The following DENND4C variants were observed in gnomAD, a reference collection of about 807,000 sequenced individuals.
DENND4C encodes DENN domain containing 4C.
DENND4C carries 108 observed loss-of-function variants against 203.0 expected under a neutral mutation model. The ratio of observed to expected loss-of-function variants is 0.53; its 90% CI spans 0.46 to 0.62. The LOEUF is 0.62. Among genes scored for constraint, DENND4C ranks in the 20% least tolerant of loss-of-function variants. The pLI, the probability that DENND4C is intolerant of heterozygous loss-of-function variation, is 0.00. For missense variants in DENND4C, 2,481 were observed against 2,301.2 expected, an observed-to-expected ratio of 1.08 and a Z score of -1.60; for synonymous variants, 871 against 792.4, an observed-to-expected ratio of 1.10 and a Z score of -1.67.
chr9:19,300,306 C>T lies in DENND4C; in HGVS notation c.1286C>T (p.Thr429Ile). The change falls in exon 9 of 33, where the codon ACT becomes ATT. Residue 429 changes from threonine (T) to isoleucine (I), a missense_variant. Thr to Ile is a moderately conservative substitution (Grantham distance 89). Coordinates refer to ENST00000434457, the MANE Select transcript of DENND4C (RefSeq NM_001330640.2). Reference sequence around the variant, plus strand: ...CATTCTCTTAGGCCAGCTGTCTTGACTGGGGTAGCTGAAGCTGTTGTAGCT... The same window carrying T: ...CATTCTCTTAGGCCAGCTGTCTTGATTGGGGTAGCTGAAGCTGTTGTAGCT... Reference protein sequence around the residue: ...LLHSLRPAVLTGVAEAVVAMI... With the variant: ...LLHSLRPAVLIGVAEAVVAMI... 2 of 1,594,982 alleles carry T rather than the reference C, an allele frequency of 1.3e-6. No homozygotes were observed. Among genetic ancestry groups the T allele is most frequent in the Non-Finnish European group, 1.7e-6 (2 of 1,167,018 alleles).
intron 10 of DENND4C, among the ~76,000 whole-genome samples, chr9:19,308,192 C>T (rs932972504): frequency 3.3e-5 from 5 of 152,082 alleles, no homozygotes; most frequent in African/African-American, 1.2e-4. Context: ...CTCAGGAATT[C>T]CTCTGAAGCA....
intron 1 of DENND4C, among the ~76,000 whole-genome samples, chr9:19,244,838 C>A (rs935925424): frequency 1.3e-5 from 2 of 152,070 alleles, no homozygotes; most frequent in African/African-American, 4.8e-5. Flanking sequence ...TTCGTTCTCC[C>A]CATCTGTGTC....
intron 10 of DENND4C, among the ~76,000 whole-genome samples, chr9:19,313,619 C>G (rs941978596): frequency 2.6e-5 from 4 of 152,168 alleles, no homozygotes; most frequent in African/African-American, 4.8e-5. Flanking sequence ...GACACAGTTT[C>G]AAGAGACGTT....
rs185294173 is a variant in DENND4C, at chr9:19,294,609, C to T, written c.802-1399C>T. Among the ~76,000 whole-genome samples the T allele has an allele frequency of 7.8e-3, 1,185 of 152,116 alleles. 12 individuals carry two copies. Among genetic ancestry groups the T allele is most frequent in the Non-Finnish European group, 0.013 (861 of 68,004 alleles). ...CCAATGTTTGTAGCAGGGTTATTCA[C>T]GATAGGCGGAAGGTGGAAACAACCC... On this transcript the variant is annotated intron_variant, in intron 5 of 32. Transcript: ENST00000434457.
Position 19,325,959 on chromosome 9 carries a change from A to C in DENND4C, c.1974A>C (p.Thr658=), listed in dbSNP as rs755105228. The change falls in exon 14 of 33, where the codon ACA becomes ACC. Residue 658 remains threonine, a synonymous_variant. Coordinates refer to ENST00000434457, the MANE Select transcript of DENND4C (RefSeq NM_001330640.2). ...TCTAGTTGTTTCCTGATAAAGGCAC[A>C]GAGAAAACAGATAAGGTATGTTTTT... The part of the protein sequence containing the change: ...CIEKLFPDKG[T]EKTDKVDFDS... 3 of 1,609,426 alleles carry C rather than the reference A, an allele frequency of 1.9e-6. No homozygotes were observed. In the African/African-American group the frequency reaches 4.0e-5, roughly 22 times the overall value.
intron 1 of DENND4C, among the ~76,000 whole-genome samples, chr9:19,250,610 G>T (rs4977521): frequency 0.3 from 45,046 of 151,996 alleles, 7,444 homozygotes; most frequent in African/African-American, 0.45. Context: ...TTCCTCCGCC[G>T]ATTAGCTTGT....
intron 1 of DENND4C, among the ~76,000 whole-genome samples, chr9:19,244,045 T>A (rs1400877764): frequency 6.6e-6 from 1 of 152,116 alleles, no homozygotes; most frequent in Non-Finnish European, 1.5e-5. Flanking sequence ...TTTCTTCTTT[T>A]TTTGAGATGG....
chr9:19,256,618 G>T (rs1353766358), intron 1 of DENND4C, among the ~76,000 whole-genome samples: 1 of 151,526 alleles, frequency 6.6e-6, no homozygotes, highest in Non-Finnish European at 1.5e-5. Context: ...CCTGGCACTT[G>T]CTTTTCTTTA....
In DENND4C at chr9:19,299,282, A is replaced by G; in HGVS notation, c.1161A>G (p.Pro387=). 2 of 1,569,674 alleles carry G rather than the reference A, an allele frequency of 1.3e-6. No homozygotes were observed. Among genetic ancestry groups the G allele is most frequent in the Non-Finnish European group, 1.7e-6 (2 of 1,158,718 alleles). The change falls in exon 8 of 33, where the codon CCA becomes CCG. Residue 387 remains proline (P), a synonymous_variant. Coordinates refer to ENST00000434457, the MANE Select transcript of DENND4C (RefSeq NM_001330640.2). ...CACAGCCAGTTTCTACACCTTTACC[A>G]CTAAGGTAATTACTGGTATTTAAAA... ...ILSQPVSTPL[P]LSGANFSTLL...
In DENND4C at chr9:19,372,176, A is replaced by AT. The variant is rs1828964832; in HGVS notation, c.*3_*4insT. 1 of 1,606,470 alleles carries AT rather than the reference A, an allele frequency of 6.2e-7. No homozygotes were observed. The highest frequency in any genetic ancestry group is 1.7e-5 in the Admixed American group (1 of 58,140). On this transcript the variant is annotated 3_prime_UTR_variant, in exon 33 of 33. Coordinates refer to ENST00000434457, the MANE Select transcript of DENND4C (RefSeq NM_001330640.2). ...GTTTTGGAGCGCCTCTCATTTAAAT[A>AT]GAGATTCACTAGAATGTTGACACAC...
chr9:19,237,099 C>T (rs1210736398), intron 1 of DENND4C, among the ~76,000 whole-genome samples: 1 of 152,164 alleles, frequency 6.6e-6, no homozygotes, highest in Non-Finnish European at 1.5e-5. Flanking sequence ...CGGCTCACTG[C>T]AGCCTCCACC....
intron 23 of DENND4C, among the ~76,000 whole-genome samples, chr9:19,347,373 C>T (rs41269025): frequency 2.0e-5 from 3 of 152,232 alleles, no homozygotes; most frequent in Non-Finnish European, 4.4e-5. Context: ...TCAGGTGATC[C>T]AACTGCATCA....
At chr9:19,366,553 A>C (rs918881955) in intron 30 of DENND4C, among the ~76,000 whole-genome samples, 1 of 152,126 alleles carries the variant, frequency 6.6e-6, no homozygotes, top group African/African-American at 2.4e-5. Flanking sequence ...GCAGTGAGCC[A>C]AGATTGCGCC....
intron 9 of DENND4C, among the ~76,000 whole-genome samples, chr9:19,302,775 G>T (rs573843299): frequency 6.6e-6 from 1 of 152,068 alleles, no homozygotes; most frequent in Non-Finnish European, 1.5e-5. Context: ...TTACCATCCC[G>T]GGAGCATTAG....
At chr9:19,365,162 C>G (rs529498809) in intron 30 of DENND4C, among the ~76,000 whole-genome samples, 2 of 152,142 alleles carry the variant, frequency 1.3e-5, no homozygotes, top group South Asian at 4.1e-4. Flanking sequence ...GAATAAAATA[C>G]TAGCAGATCA....
At chr9:19,364,240 G>C (rs1163921601) in intron 30 of DENND4C, among the ~76,000 whole-genome samples, 1 of 152,022 alleles carries the variant, frequency 6.6e-6, no homozygotes, top group Non-Finnish European at 1.5e-5. Flanking sequence ...TGTCAGGTTG[G>C]CAAAAAACGT....
At chr9:19,273,822 G>GA (rs1186238658) in intron 1 of DENND4C, among the ~76,000 whole-genome samples, 1 of 151,810 alleles carries the variant, frequency 6.6e-6, no homozygotes, top group African/African-American at 2.4e-5. Flanking sequence ...TGACAAGAGT[G>GA]AAAAAAATGG....
intron 10 of DENND4C, among the ~76,000 whole-genome samples, chr9:19,310,358 T>C (rs1229398951): frequency 1.3e-5 from 2 of 152,236 alleles, no homozygotes; most frequent in African/African-American, 2.4e-5. Flanking sequence ...TCATAAAGTA[T>C]GATTATTGAT....
intron 1 of DENND4C, among the ~76,000 whole-genome samples, chr9:19,243,767 CT>C (rs1397470507): frequency 6.6e-6 from 1 of 152,128 alleles, no homozygotes; most frequent in Non-Finnish European, 1.5e-5. Context: ...TTGCTTCTAC[CT>C]TTTGGCTATT....
Sources: allele counts gnomAD v4.1 joint callset (sites outside exome capture counted in the v4.1 genomes callset), GRCh38; gene constraint gnomAD v4.1.1; transcripts MANE v1.5; gene names NCBI Gene and HGNC (gene_info 2026-07-23, HGNC 2026-07-21).